Variants in SAMTOR observed in about 807,000 individuals in gnomAD.
SAMTOR encodes UPF0532 protein C7orf60.
the SAMTOR span, among the ~76,000 whole-genome samples, chr7:112,911,195 G>T: frequency 6.6e-6 from 1 of 152,134 alleles, no homozygotes; most frequent in African/African-American, 2.4e-5. Context: ...TCCCTCCACA[G>T]GTCTATTTAT....
At chr7:112,854,646 T>G in the SAMTOR span, among the ~76,000 whole-genome samples, 1 of 152,226 alleles carries the variant, frequency 6.6e-6, no homozygotes, top group Non-Finnish European at 1.5e-5. Context: ...AACCGTCTAA[T>G]AGCTGTATGG....
At chr7:112,892,359 G>A in the SAMTOR span, among the ~76,000 whole-genome samples, 1 of 152,046 alleles carries the variant, frequency 6.6e-6, no homozygotes, top group African/African-American at 2.4e-5. Context: ...AATCACAAAT[G>A]TTCTTAATGG....
the SAMTOR span, among the ~76,000 whole-genome samples, chr7:112,880,646 T>C: frequency 1.3e-5 from 2 of 151,888 alleles, no homozygotes; most frequent in Non-Finnish European, 2.9e-5. Flanking sequence ...ATACTAAGCC[T>C]CCAGAGACAT....
the SAMTOR span, among the ~76,000 whole-genome samples, chr7:112,919,926 A>G: frequency 6.6e-6 from 1 of 152,246 alleles, no homozygotes; most frequent in East Asian, 1.9e-4. Context: ...AAATAGACCA[A>G]TAACAGGCTC....
At chr7:112,936,543 A>G in the SAMTOR span, among the ~76,000 whole-genome samples, 11 of 152,240 alleles carry the variant, frequency 7.2e-5, no homozygotes, top group Non-Finnish European at 1.6e-4. Context: ...CAGTTGGGCA[A>G]ATGGTTGGAG....
At chr7:112,824,269 G>C in the SAMTOR span, among the ~76,000 whole-genome samples, 12 of 152,076 alleles carry the variant, frequency 7.9e-5, no homozygotes, top group Admixed American at 2.0e-4. Flanking sequence ...AGGTCATAAA[G>C]ACTTTTTTTC....
the SAMTOR span, among the ~76,000 whole-genome samples, chr7:112,900,145 T>C: frequency 1.3e-5 from 2 of 152,286 alleles, no homozygotes; most frequent in East Asian, 3.9e-4. Context: ...TAAACAGATA[T>C]CTAAGAAGAG....
At chr7:112,838,577 G>A in the SAMTOR span, among the ~76,000 whole-genome samples, 21 of 151,866 alleles carry the variant, frequency 1.4e-4, no homozygotes, top group Admixed American at 4.6e-4. Flanking sequence ...GTTCATTGTA[G>A]TTTTGACTTT....
At chr7:112,855,200 T>C in the SAMTOR span, among the ~76,000 whole-genome samples, 2 of 152,230 alleles carry the variant, frequency 1.3e-5, no homozygotes, top group Non-Finnish European at 2.9e-5. Context: ...TAGAAGGAAA[T>C]GGCAGTTTGG....
the SAMTOR span, among the ~76,000 whole-genome samples, chr7:112,879,218 C>T: frequency 1.3e-5 from 2 of 148,860 alleles, no homozygotes; most frequent in African/African-American, 5.0e-5. Flanking sequence ...GAGGTCAAGT[C>T]AGAGGTCTGA....
At chr7:112,902,486 G>A in the SAMTOR span, among the ~76,000 whole-genome samples, 2 of 149,544 alleles carry the variant, frequency 1.3e-5, no homozygotes, top group African/African-American at 4.9e-5. Context: ...GTTGCAGATG[G>A]GTGAAAAGGC....
the SAMTOR span, among the ~76,000 whole-genome samples, chr7:112,919,336 T>C: frequency 6.6e-6 from 1 of 152,088 alleles, no homozygotes; most frequent in Non-Finnish European, 1.5e-5. Context: ...AACAACCTGC[T>C]CCTGAATGAC....
chr7:112,821,970 C>G, the SAMTOR span: 1 of 1,613,394 alleles, frequency 6.2e-7, no homozygotes, highest in Non-Finnish European at 8.5e-7. Flanking sequence ...GTAGTTCCTA[C>G]TAACCAAGTC....
the SAMTOR span, among the ~76,000 whole-genome samples, chr7:112,917,611 A>C: frequency 6.6e-6 from 1 of 152,208 alleles, no homozygotes; most frequent in Non-Finnish European, 1.5e-5. Context: ...TGACTTTGAC[A>C]AGCTGAGAGA....
At chr7:112,888,388 GT>G in the SAMTOR span, among the ~76,000 whole-genome samples, 1 of 152,056 alleles carries the variant, frequency 6.6e-6, no homozygotes, top group African/African-American at 2.4e-5. Context: ...AATTATAAAT[GT>G]TTTTAAAAAG....
At chr7:112,860,908 G>A in the SAMTOR span, among the ~76,000 whole-genome samples, 1 of 98,030 alleles carries the variant, frequency 1.0e-5, no homozygotes, top group Non-Finnish European at 1.8e-5. Flanking sequence ...GCAAGACTCT[G>A]TCTCAAAAAA....
the SAMTOR span, among the ~76,000 whole-genome samples, chr7:112,892,785 TAA>T: frequency 1.3e-5 from 2 of 150,010 alleles, no homozygotes; most frequent in East Asian, 3.9e-4. Flanking sequence ...AAAAAAAAAA[TAA>T]TAATAATATG....
chr7:112,926,802 T>C, the SAMTOR span, among the ~76,000 whole-genome samples: 1 of 152,146 alleles, frequency 6.6e-6, no homozygotes, highest in East Asian at 1.9e-4. Context: ...ATAAAAGAGA[T>C]ATGAACCTGA....
At chr7:112,921,478 T>A in the SAMTOR span, among the ~76,000 whole-genome samples, 1 of 151,188 alleles carries the variant, frequency 6.6e-6, no homozygotes, top group Non-Finnish European at 1.5e-5. Context: ...ACGTTAGACC[T>A]AAAACCATAA....
Sources: allele counts gnomAD v4.1 joint callset (sites outside exome capture counted in the v4.1 genomes callset), GRCh38; gene constraint gnomAD v4.1.1; transcripts MANE v1.5; gene names NCBI Gene and HGNC (gene_info 2026-07-23, HGNC 2026-07-21).